TNIP3: variants seen among roughly 807,000 people sequenced by gnomAD.
TNIP3 encodes TNFAIP3 interacting protein 3.
Under a neutral mutation model 54.1 loss-of-function variants are expected in TNIP3, and 34 were observed. The observed-to-expected ratio is 0.63, with a 90% CI of 0.48 to 0.84. TNIP3 has a LOEUF of 0.84. TNIP3 is among the 40% of genes least tolerant of loss of function. The probability of loss-of-function intolerance (pLI) is 0.00; values close to 1 mark genes in which losing one functional copy is unlikely to be tolerated. For missense variants in TNIP3, 366 were observed against 387.6 expected, an observed-to-expected ratio of 0.94 and a Z score of 0.47; for synonymous variants, 134 against 136.8, an observed-to-expected ratio of 0.98 and a Z score of 0.14.
At chr4:121,148,288 A>T (rs1424496241) in intron 6 of TNIP3, among the ~76,000 whole-genome samples, 1 of 152,238 alleles carries the variant, frequency 6.6e-6, no homozygotes, top group Non-Finnish European at 1.5e-5. Context: ...AGAAACGTGC[A>T]CAGTTAAAAT....
rs1724539331 is a variant in TNIP3 at position 121,179,187 on chromosome 4, CAG to C, written c.189+3487_189+3488del. On this transcript the variant is annotated intron_variant, in intron 3 of 12. Coordinates refer to the TNIP3 transcript ENST00000507879. ...TAAAGGCTTATGGGTAGCTAGAACA[CAG>C]GGTGCACTTTGGGAAATAGCAGAAT... Among the ~76,000 whole-genome samples the C allele has an allele frequency of 3.9e-5, 6 of 152,266 alleles. No individual in the cohort carries two copies. The South Asian group carries it at 1.2e-3, about 32-fold the overall frequency.
chr4:121,197,309 C>T (rs1476024975), intron 2 of TNIP3, among the ~76,000 whole-genome samples: 1 of 152,050 alleles, frequency 6.6e-6, no homozygotes, highest in East Asian at 1.9e-4. Context: ...GGGTGGATCA[C>T]CTGACGTCAG....
chr4:121,226,021 T>C (rs932187742), intron 1 of TNIP3, among the ~76,000 whole-genome samples: 3 of 152,044 alleles, frequency 2.0e-5, no homozygotes, highest in Non-Finnish European at 2.9e-5. Flanking sequence ...AATTGTATAA[T>C]GGCTGCAAAT....
chr4:121,139,312 G>A (rs969410255), intron 9 of TNIP3, among the ~76,000 whole-genome samples: 1 of 152,184 alleles, frequency 6.6e-6, no homozygotes, highest in Non-Finnish European at 1.5e-5. Flanking sequence ...CACCAGTTAA[G>A]AACAGCTAGA....
chr4:121,203,979 T>C (rs1481730623), intron 2 of TNIP3, among the ~76,000 whole-genome samples: 1 of 149,130 alleles, frequency 6.7e-6, no homozygotes, highest in Non-Finnish European at 1.5e-5. Flanking sequence ...AATTAAATAT[T>C]TAATATTAAA....
At chr4:121,195,353 C>T (rs1055534188) in intron 2 of TNIP3, among the ~76,000 whole-genome samples, 3 of 152,102 alleles carry the variant, frequency 2.0e-5, no homozygotes, top group Non-Finnish European at 2.9e-5. Flanking sequence ...TGGTATGAGC[C>T]TTGACATCAG....
At chr4:121,167,004 T>C (rs891580110), upstream of TNIP3, among the ~76,000 whole-genome samples, 8 of 152,158 alleles carry the variant, frequency 5.3e-5, no homozygotes, top group Non-Finnish European at 1.0e-4. Flanking sequence ...TTTTATACAA[T>C]GGGATAGTAA....
chr4:121,152,458 A>G (rs1040907182), intron 5 of TNIP3, among the ~76,000 whole-genome samples: 2 of 152,106 alleles, frequency 1.3e-5, no homozygotes, highest in African/African-American at 4.8e-5. Flanking sequence ...GCATCCTTTT[A>G]TTTTTTGCTC....
At chr4:121,222,179 A>G (rs1189501923) in intron 1 of TNIP3, among the ~76,000 whole-genome samples, 2 of 152,210 alleles carry the variant, frequency 1.3e-5, no homozygotes, top group Admixed American at 1.3e-4. Flanking sequence ...GCTTAGTGAA[A>G]TATTAGTGAA....
chr4:121,163,978 TATTAATAAGTGCACAATTAACCACTAGAA>T, intron 1 of TNIP3, 53 bp downstream of exon 1: 1 of 1,507,746 alleles, frequency 6.6e-7, no homozygotes, highest in Admixed American at 1.9e-5. Context: ...TTTCTGTTCT[TATTAATAAGTGCACAATTAACCACTAGAA>T]ATGCCATCAA....
intron 10 of TNIP3, chr4:121,137,903 T>G (rs1048344786): frequency 3.1e-5 from 14 of 455,424 alleles, no homozygotes; most frequent in Middle Eastern, 3.3e-4. Context: ...CTTTTGATTA[T>G]GTATACTTGA....
intron 2 of TNIP3, among the ~76,000 whole-genome samples, chr4:121,208,215 T>A (rs1008218604): frequency 3.9e-5 from 6 of 152,196 alleles, no homozygotes; most frequent in African/African-American, 1.4e-4. Context: ...TCTATAGGAC[T>A]AATAAATTAT....
At chr4:121,146,934 T>C (rs1729464003) in intron 7 of TNIP3, 115 bp downstream of exon 7, 1 of 1,205,094 alleles carries the variant, frequency 8.3e-7, no homozygotes, top group Non-Finnish European at 1.1e-6. Context: ...TCCCAGGTGC[T>C]GACCTTTAAA....
At chr4:121,224,836 C>T (rs1314485515) in intron 1 of TNIP3, among the ~76,000 whole-genome samples, 1 of 151,900 alleles carries the variant, frequency 6.6e-6, no homozygotes, top group South Asian at 2.1e-4. Context: ...TTTTTGAACA[C>T]CTTTCTAAGT....
At chr4:121,214,247 A>C (rs1468789399) in intron 2 of TNIP3, among the ~76,000 whole-genome samples, 3 of 152,004 alleles carry the variant, frequency 2.0e-5, no homozygotes, top group African/African-American at 7.2e-5. Flanking sequence ...TTCCTTCTGC[A>C]CTTCCGGGTA....
chr4:121,163,336 ATTTAC>A (rs1015859327), intron 1 of TNIP3, among the ~76,000 whole-genome samples: 1 of 152,196 alleles, frequency 6.6e-6, no homozygotes, highest in Non-Finnish European at 1.5e-5. Flanking sequence ...TTCAATTTGT[ATTTAC>A]TTTGCTTTAC....
At chr4:121,214,462 G>C (rs959710133) in intron 2 of TNIP3, among the ~76,000 whole-genome samples, 1 of 152,210 alleles carries the variant, frequency 6.6e-6, no homozygotes, top group Admixed American at 6.5e-5. Flanking sequence ...GAAGAGGCAA[G>C]AGAATGGGAC....
chr4:121,197,016 G>A (rs1057348379), intron 2 of TNIP3, among the ~76,000 whole-genome samples: 6 of 151,916 alleles, frequency 3.9e-5, no homozygotes, highest in African/African-American at 1.5e-4. Context: ...AACACAAATA[G>A]ACTTGACTCA....
At position 121,174,632 on chromosome 4, in the gene TNIP3, G is replaced by A. The variant is rs74415105; in HGVS notation, c.189+8044C>T. On this transcript the variant is annotated intron_variant, in intron 3 of 12. Coordinates refer to the TNIP3 transcript ENST00000507879. ...TGCTAAGTCGGTTTTAATGACAAAC[G>A]TTTATTTTAAAAAGAAATCAGAATA... is the stretch of plus-strand genomic sequence containing the variant. 1.5e-3 allele frequency among the ~76,000 whole-genome samples: 228 copies of A among 151,632 alleles called. 2 individuals carry two copies. The East Asian group carries it at 0.04, about 27-fold the overall frequency.
Sources: gnomAD v4.1 joint callset for allele counts (sites outside exome capture counted in the v4.1 genomes callset) on GRCh38, gnomAD v4.1.1 for gene constraint, MANE v1.5 for transcripts, NCBI Gene and HGNC (gene_info 2026-07-23, HGNC 2026-07-21) for gene names.